GABRA3: variants seen among roughly 807,000 people sequenced by gnomAD.
GABRA3 encodes gamma-aminobutyric acid receptor subunit alpha-3.
GABRA3 carries 10 observed loss-of-function variants against 30.1 expected under a neutral mutation model. The ratio of observed to expected loss-of-function variants is 0.33; its 90% confidence interval spans 0.20 to 0.56. The LOEUF is 0.56. Among genes scored for constraint, GABRA3 ranks in the 20% least tolerant of loss-of-function variants. The pLI is 0.89. For missense variants in GABRA3, 233 were observed against 392.0 expected (o/e 0.59, Z 3.42); for synonymous variants, 151 against 146.8 (o/e 1.03, Z -0.21).
chrX:152,267,272 A>G (rs1205201435), intron 4 of GABRA3, among the ~76,000 whole-genome samples: 2 of 112,069 alleles, frequency 1.8e-5, no homozygotes, highest in Non-Finnish European at 3.8e-5. Context: ...AAATAATCAC[A>G]TGGGTTTTTG....
intron 3 of GABRA3, among the ~76,000 whole-genome samples, chrX:152,313,754 A>C (rs976954619): frequency 4.5e-5 from 5 of 111,893 alleles, no homozygotes; most frequent in African/African-American, 1.6e-4. Flanking sequence ...ATATATTTGC[A>C]TCAGTAGAAC....
In GABRA3 at chrX:152,315,983, C is replaced by CA. The variant is rs1475169135; in HGVS notation, c.262+29597_262+29598insT. On this transcript the variant is annotated intron_variant, in intron 3 of 9. Coordinates refer to ENST00000370314, the MANE Select transcript of GABRA3 (RefSeq NM_000808.4). ...GGCCCGCCCCCCGACCCCCCCCCCCCCCACCACATGATCCTCTCCTGTACT... is the reference window on the plus strand; with the variant it reads ...GGCCCGCCCCCCGACCCCCCCCCCCCACCACCACATGATCCTCTCCTGTACT... 8.6e-4 allele frequency among the ~76,000 whole-genome samples: 75 copies of CA among 86,930 alleles called. 1 individual carries two copies. The highest frequency in any genetic ancestry group is 1.8e-3 in the African/African-American group (41 of 22,821). 75.5% of individuals were successfully genotyped at this position (86,930 alleles called of 115,157 possible).
chrX:152,326,330 T>A (rs1940057760), intron 3 of GABRA3, among the ~76,000 whole-genome samples: 1 of 111,311 alleles, frequency 9.0e-6, no homozygotes, highest in African/African-American at 3.3e-5. Flanking sequence ...CAGGCCAACA[T>A]TCAAATTCGG....
intron 4 of GABRA3, among the ~76,000 whole-genome samples, chrX:152,262,822 T>C (rs1488660706): frequency 8.9e-6 from 1 of 112,023 alleles, no homozygotes; most frequent in Non-Finnish European, 1.9e-5. Flanking sequence ...TTTTCAGGCA[T>C]CTTTACAACA....
chrX:152,347,975 C>CA (rs1479424118), intron 2 of GABRA3, among the ~76,000 whole-genome samples: 2 of 111,292 alleles, frequency 1.8e-5, no homozygotes, highest in African/African-American at 6.5e-5. Flanking sequence ...ACTGCATGGG[C>CA]AACAGAGCAA....
At chrX:152,215,848 T>C (rs368843028) in intron 6 of GABRA3, among the ~76,000 whole-genome samples, 1 of 111,293 alleles carries the variant, frequency 9.0e-6, no homozygotes, top group African/African-American at 3.3e-5. Context: ...GAAGTATACA[T>C]CTGATAAGGG....
At chrX:152,375,451 A>G (rs775341383) in intron 1 of GABRA3, among the ~76,000 whole-genome samples, 5 of 112,282 alleles carry the variant, frequency 4.5e-5, no homozygotes, top group Admixed American at 2.8e-4. Flanking sequence ...TTATTCTTCT[A>G]GTTTATAAAC....
At chrX:152,286,385 A>C (rs1487884791) in intron 3 of GABRA3, among the ~76,000 whole-genome samples, 1 of 109,536 alleles carries the variant, frequency 9.1e-6, no homozygotes, top group Non-Finnish European at 1.9e-5. Flanking sequence ...CCTACCAGAC[A>C]CCTCAAGATT....
At chrX:152,280,564 T>G (rs1939181756) in intron 4 of GABRA3, among the ~76,000 whole-genome samples, 1 of 111,950 alleles carries the variant, frequency 8.9e-6, no homozygotes, top group African/African-American at 3.2e-5. Flanking sequence ...ATAATTTTCA[T>G]AAGCAGTTGT....
intron 1 of GABRA3, among the ~76,000 whole-genome samples, chrX:152,446,458 C>T (rs1193255068): frequency 1.5e-4 from 16 of 110,036 alleles, no homozygotes; most frequent in Non-Finnish European, 1.3e-4. Context: ...TCTCTTGGCA[C>T]CTTCATAACA....
chrX:152,282,386 G>A (rs1428643654), intron 4 of GABRA3, among the ~76,000 whole-genome samples: 1 of 110,779 alleles, frequency 9.0e-6, no homozygotes, highest in Admixed American at 9.6e-5. Flanking sequence ...CCCTGGCCCT[G>A]GGATCAATTG....
chrX:152,349,022 G>A (rs901526816), intron 2 of GABRA3, among the ~76,000 whole-genome samples: 2 of 111,886 alleles, frequency 1.8e-5, no homozygotes. Context: ...TCTTCAGCAT[G>A]TGATGCTGTT....
intron 9 of GABRA3, among the ~76,000 whole-genome samples, chrX:152,178,267 CGTGTGTGTGTGTGTGTGT>C (rs1275219233): frequency 2.5e-5 from 2 of 80,268 alleles, no homozygotes; most frequent in Admixed American, 2.8e-4. Flanking sequence ...TGTGTGTGTG[CGTGTGTGTGTGTGTGTGT>C]TTCAATCGAG....
At chrX:152,320,148 T>C (rs1254849821) in intron 3 of GABRA3, among the ~76,000 whole-genome samples, 2 of 111,791 alleles carry the variant, frequency 1.8e-5, no homozygotes, top group Non-Finnish European at 3.8e-5. Context: ...ACAGCCACTA[T>C]GGTAAATAGT....
chrX:152,176,953 A>G (rs556080172), intron 9 of GABRA3, among the ~76,000 whole-genome samples: 1 of 111,983 alleles, frequency 8.9e-6, no homozygotes, highest in East Asian at 2.8e-4. Flanking sequence ...TTAGTGCTGG[A>G]AAGAAGACAA....
intron 4 of GABRA3, among the ~76,000 whole-genome samples, chrX:152,266,295 G>T (rs1237219274): frequency 8.9e-6 from 1 of 111,915 alleles, no homozygotes. Flanking sequence ...GTCCAAGTGG[G>T]ATTTATCCCT....
intron 4 of GABRA3, among the ~76,000 whole-genome samples, chrX:152,261,762 A>G (rs1340575120): frequency 1.8e-5 from 2 of 111,746 alleles, no homozygotes. Context: ...GCAAGCTGTC[A>G]GTGGATCTAC....
chrX:152,328,297 T>C (rs1940100446), intron 3 of GABRA3, among the ~76,000 whole-genome samples: 1 of 111,852 alleles, frequency 8.9e-6, no homozygotes, highest in Admixed American at 9.5e-5. Context: ...CCATTCCTTC[T>C]GAAACTATTC....
chrX:152,282,904 A>G (rs1217276567), intron 4 of GABRA3, among the ~76,000 whole-genome samples: 1 of 112,014 alleles, frequency 8.9e-6, no homozygotes, highest in East Asian at 2.8e-4. Context: ...TGGTGCATGA[A>G]TGAAAATGAG....
Sources: allele counts gnomAD v4.1 joint callset (sites outside exome capture counted in the v4.1 genomes callset), GRCh38; gene constraint gnomAD v4.1.1; transcripts MANE v1.5; gene names NCBI Gene and HGNC (gene_info 2026-07-23, HGNC 2026-07-21).